Variants in MARCHF3 observed in about 807,000 individuals in gnomAD.
MARCHF3 encodes E3 ubiquitin-protein ligase MARCHF3.
A neutral mutation model predicts 24.2 loss-of-function variants in MARCHF3; 13 were observed. The ratio of observed to expected loss-of-function variants is 0.54; its 90% CI spans 0.35 to 0.85. The LOEUF is 0.85. Among genes scored for constraint, MARCHF3 ranks in the 40% least tolerant of loss-of-function variants. The probability of loss-of-function intolerance (pLI) is 0.01; values close to 1 mark genes in which losing one functional copy is unlikely to be tolerated. For missense variants in MARCHF3, 276 were observed against 325.0 expected (o/e 0.85, Z 1.16); for synonymous variants, 144 against 137.3 (o/e 1.05, Z -0.34).
chr5:126,965,596 C>A (rs914343280), intron 1 of MARCHF3, among the ~76,000 whole-genome samples: 1 of 151,988 alleles, frequency 6.6e-6, no homozygotes, highest in African/African-American at 2.4e-5. Context: ...GCTGATTGAA[C>A]CTTAAAATGA....
chr5:126,929,028 T>G (rs1053463922), intron 1 of MARCHF3, among the ~76,000 whole-genome samples: 1 of 152,312 alleles, frequency 6.6e-6, no homozygotes, highest in Non-Finnish European at 1.5e-5. Context: ...AATCTTTTGG[T>G]TGGTTTGTTT....
chr5:126,929,664 A>G (rs181301317), intron 1 of MARCHF3, among the ~76,000 whole-genome samples: 3 of 152,308 alleles, frequency 2.0e-5, no homozygotes, highest in Non-Finnish European at 4.4e-5. Context: ...GTTCTATAAT[A>G]ACTGAGTTGT....
At chr5:127,002,870 T>C (rs1404294470) in intron 1 of MARCHF3, among the ~76,000 whole-genome samples, 1 of 152,106 alleles carries the variant, frequency 6.6e-6, no homozygotes, top group Non-Finnish European at 1.5e-5. Flanking sequence ...TCAGACAATA[T>C]TGAGGAGTTA....
At chr5:126,955,514 C>T (rs1286572195) in intron 1 of MARCHF3, among the ~76,000 whole-genome samples, 4 of 152,070 alleles carry the variant, frequency 2.6e-5, no homozygotes, top group Non-Finnish European at 4.4e-5. Flanking sequence ...TTATGAAGGG[C>T]GAGAAAGGGT....
chr5:126,901,265 T>C (rs1754096728), intron 3 of MARCHF3, among the ~76,000 whole-genome samples: 1 of 152,182 alleles, frequency 6.6e-6, no homozygotes, highest in Non-Finnish European at 1.5e-5. Flanking sequence ...TTGCAAAGAA[T>C]ATTGCATGTA....
chr5:127,021,464 C>T (rs79361453), intron 1 of MARCHF3, among the ~76,000 whole-genome samples: 2,404 of 152,256 alleles, frequency 0.016, 66 homozygotes, highest in South Asian at 0.12. Flanking sequence ...TAATTTCATA[C>T]AGTATTTGAG....
chr5:126,920,403 A>AAAGT (rs1749068664), intron 1 of MARCHF3, among the ~76,000 whole-genome samples: 1 of 152,228 alleles, frequency 6.6e-6, no homozygotes, highest in African/African-American at 2.4e-5. Context: ...TCACAGTCAC[A>AAAGT]AAGTGTAACT....
chr5:127,009,820 G>GA (rs1335539434), intron 1 of MARCHF3, among the ~76,000 whole-genome samples: 2 of 152,270 alleles, frequency 1.3e-5, no homozygotes, highest in Admixed American at 1.3e-4. Context: ...ACAGGTAAAG[G>GA]AAACAGCCAA....
At chr5:126,876,174 T>C (rs1753150078) in intron 4 of MARCHF3, among the ~76,000 whole-genome samples, 1 of 152,220 alleles carries the variant, frequency 6.6e-6, no homozygotes, top group Admixed American at 6.5e-5. Flanking sequence ...CCTTTCTTCC[T>C]TCTTTTCCAG....
At chr5:126,970,625 T>C (rs1750976692) in intron 1 of MARCHF3, among the ~76,000 whole-genome samples, 1 of 152,188 alleles carries the variant, frequency 6.6e-6, no homozygotes, top group African/African-American at 2.4e-5. Context: ...GGTTGTGACT[T>C]TGACAGATTA....
chr5:126,959,838 A>G (rs1350357741), intron 1 of MARCHF3, among the ~76,000 whole-genome samples: 2 of 152,316 alleles, frequency 1.3e-5, no homozygotes, highest in Non-Finnish European at 2.9e-5. Context: ...ACTAATAGAC[A>G]GTAAGCATTG....
chr5:126,870,418 A>G lies in MARCHF3; in HGVS notation c.*215T>C. The G allele has an allele frequency of 2.1e-6, 1 of 473,058 alleles. No individual in the cohort carries two copies. Among genetic ancestry groups the G allele is most frequent in the Non-Finnish European group, 3.8e-6 (1 of 263,022 alleles). 29.3% of individuals were successfully genotyped at this position (473,058 alleles called of 1,614,324 possible). On this transcript the variant is annotated 3_prime_UTR_variant, in exon 5 of 5. Coordinates refer to ENST00000308660, the MANE Select transcript of MARCHF3 (RefSeq NM_178450.5). The stretch of plus-strand genomic sequence containing the variant: ...ATAAACATGTTTGGCAGCTTAGCAA[A>G]TATCATATGATTGCAGCATCCATCA...
At chr5:126,912,612 A>T (rs576298113) in intron 3 of MARCHF3, among the ~76,000 whole-genome samples, 1 of 152,326 alleles carries the variant, frequency 6.6e-6, no homozygotes, top group East Asian at 1.9e-4. Context: ...TTGAGGTGAA[A>T]GTATTGAGAA....
intron 3 of MARCHF3, among the ~76,000 whole-genome samples, chr5:126,887,083 C>T (rs1753532311): frequency 6.6e-6 from 1 of 152,184 alleles, no homozygotes; most frequent in South Asian, 2.1e-4. Context: ...AATCCAGTTT[C>T]TATAAAGCAG....
At chr5:126,986,231 G>A (rs2126839421) in intron 1 of MARCHF3, among the ~76,000 whole-genome samples, 2 of 152,248 alleles carry the variant, frequency 1.3e-5, no homozygotes, top group East Asian at 3.9e-4. Flanking sequence ...GCCCAAGTGT[G>A]CTACCCAAGA....
At chr5:126,906,630 G>C (rs1020396861) in intron 3 of MARCHF3, among the ~76,000 whole-genome samples, 14 of 152,230 alleles carry the variant, frequency 9.2e-5, no homozygotes, top group Admixed American at 2.0e-4. Context: ...ATTCTCTCAT[G>C]GTAGTTTGTA....
At chr5:127,026,922 A>G (rs908216973) in intron 1 of MARCHF3, among the ~76,000 whole-genome samples, 4 of 152,212 alleles carry the variant, frequency 2.6e-5, no homozygotes, top group Non-Finnish European at 4.4e-5. Context: ...TCCTTTTGTT[A>G]TCAGGATACT....
At chr5:126,890,329 C>G (rs539935610) in intron 3 of MARCHF3, among the ~76,000 whole-genome samples, 50 of 150,950 alleles carry the variant, frequency 3.3e-4, no homozygotes, top group African/African-American at 1.2e-3. Flanking sequence ...GGTACATGTG[C>G]ACATTGTGCA....
At chr5:126,951,587 C>T (rs895132682) in intron 1 of MARCHF3, among the ~76,000 whole-genome samples, 2 of 152,188 alleles carry the variant, frequency 1.3e-5, no homozygotes, top group Non-Finnish European at 2.9e-5. Context: ...TGAGCGTGAG[C>T]AATGAACTTG....
Sources: gnomAD v4.1 joint callset for allele counts (sites outside exome capture counted in the v4.1 genomes callset) on GRCh38, gnomAD v4.1.1 for gene constraint, MANE v1.5 for transcripts, NCBI Gene and HGNC (gene_info 2026-07-23, HGNC 2026-07-21) for gene names.